Variants in DIAPH3 observed in about 807,000 individuals in gnomAD.
DIAPH3 encodes the protein diaphanous related formin 3.
DIAPH3 carries 117 observed loss-of-function variants against 144.3 expected under a neutral mutation model. That is an observed-to-expected ratio of 0.81 (90% confidence interval 0.70 to 0.95). DIAPH3 has a LOEUF of 0.95. Ranked by LOEUF, DIAPH3 falls within the 40% of genes least tolerant of loss-of-function variation. The pLI, the probability that DIAPH3 is intolerant of heterozygous loss-of-function variation, is 0.00. For missense variants in DIAPH3, 1,421 were observed against 1,412.7 expected (o/e 1.01, Z -0.09); for synonymous variants, 519 against 488.9 (o/e 1.06, Z -0.81).
intron 25 of DIAPH3, among the ~76,000 whole-genome samples, chr13:59,784,231 C>T (rs913082718): frequency 3.3e-5 from 5 of 150,462 alleles, no homozygotes; most frequent in Non-Finnish European, 4.4e-5. Flanking sequence ...TACAGGTGCA[C>T]GCCACCACAC....
chr13:59,860,269 C>T (rs2043502275), intron 22 of DIAPH3, among the ~76,000 whole-genome samples: 1 of 151,462 alleles, frequency 6.6e-6, no homozygotes, highest in Admixed American at 6.6e-5. Flanking sequence ...TGATGAATTC[C>T]AATATTAAAA....
intron 4 of DIAPH3, among the ~76,000 whole-genome samples, chr13:60,063,363 T>C (rs2056840979): frequency 2.0e-5 from 3 of 152,188 alleles, no homozygotes; most frequent in Admixed American, 1.3e-4. Flanking sequence ...CACTAAAGTG[T>C]TGAACCCCTC....
intron 16 of DIAPH3, among the ~76,000 whole-genome samples, 165 bp from the exon 17 acceptor site, chr13:59,970,223 G>T (rs2050283799): frequency 6.6e-6 from 1 of 152,168 alleles, no homozygotes; most frequent in Non-Finnish European, 1.5e-5. Context: ...AGTTCTGCAG[G>T]ATGTTAAGGT....
At chr13:59,994,517 T>C (rs2052063152) in intron 9 of DIAPH3, among the ~76,000 whole-genome samples, 1 of 151,946 alleles carries the variant, frequency 6.6e-6, no homozygotes, top group African/African-American at 2.4e-5. Flanking sequence ...ACATTTTGCC[T>C]GTCCAATGAA....
At chr13:59,800,390 T>C (rs899666845) in intron 25 of DIAPH3, among the ~76,000 whole-genome samples, 23 of 152,182 alleles carry the variant, frequency 1.5e-4, no homozygotes, top group African/African-American at 5.3e-4. Context: ...AATTATCTCA[T>C]AGGGAAGAGG....
At chr13:59,909,230 T>C (rs1169819333) in intron 20 of DIAPH3, among the ~76,000 whole-genome samples, 2 of 152,130 alleles carry the variant, frequency 1.3e-5, no homozygotes, top group Non-Finnish European at 2.9e-5. Flanking sequence ...ATAATGTTGA[T>C]AAACTGAAAA....
chr13:59,817,325 C>T (rs150035902), intron 24 of DIAPH3, among the ~76,000 whole-genome samples: 6 of 151,972 alleles, frequency 3.9e-5, no homozygotes, highest in Admixed American at 2.0e-4. Context: ...AATCTGTCAA[C>T]TTATCGATAT....
At chr13:60,043,018 A>G (rs934317667) in intron 4 of DIAPH3, among the ~76,000 whole-genome samples, 198 bp from the exon 5 acceptor site, 5 of 152,226 alleles carry the variant, frequency 3.3e-5, no homozygotes, top group Non-Finnish European at 7.3e-5. Context: ...AGATAGTAAT[A>G]TAACATCAGA....
intron 22 of DIAPH3, among the ~76,000 whole-genome samples, chr13:59,844,403 T>C (rs1321440149): frequency 6.6e-6 from 1 of 150,932 alleles, no homozygotes; most frequent in South Asian, 2.1e-4. Context: ...ACTCAGGAGG[T>C]TGAGGCAGGA....
At chr13:59,940,640 T>A (rs1356285317) in intron 17 of DIAPH3, among the ~76,000 whole-genome samples, 2 of 152,174 alleles carry the variant, frequency 1.3e-5, no homozygotes, top group African/African-American at 4.8e-5. Context: ...CAAATCCTTT[T>A]TTTCCCAATT....
chr13:60,003,042 T>C (rs550716293), intron 9 of DIAPH3, among the ~76,000 whole-genome samples: 1 of 152,014 alleles, frequency 6.6e-6, no homozygotes, highest in Non-Finnish European at 1.5e-5. Flanking sequence ...CTGGCCAACA[T>C]GAGGGACAAG....
intron 4 of DIAPH3, among the ~76,000 whole-genome samples, chr13:60,058,725 A>T (rs2056650557): frequency 6.6e-6 from 1 of 151,968 alleles, no homozygotes; most frequent in African/African-American, 2.4e-5. Flanking sequence ...ACTTGGCTAT[A>T]AAAAAAGAAC....
chr13:60,083,772 T>A (rs1205128621), intron 4 of DIAPH3, among the ~76,000 whole-genome samples: 1 of 151,980 alleles, frequency 6.6e-6, no homozygotes, highest in Non-Finnish European at 1.5e-5. Flanking sequence ...AGCACGGTGG[T>A]GCATGCCTAT....
chr13:59,858,757 T>A (rs1191453505), intron 22 of DIAPH3, among the ~76,000 whole-genome samples: 1 of 152,140 alleles, frequency 6.6e-6, no homozygotes, highest in Non-Finnish European at 1.5e-5. Flanking sequence ...AGAGAAATAT[T>A]ACAATGGTAT....
At chr13:59,817,206 T>A (rs2040825013) in intron 24 of DIAPH3, among the ~76,000 whole-genome samples, 1 of 151,948 alleles carries the variant, frequency 6.6e-6, no homozygotes, top group Non-Finnish European at 1.5e-5. Context: ...GAATTCTATA[T>A]ACACTAATCA....
At chr13:59,822,597 T>C (rs1181146947) in intron 24 of DIAPH3, among the ~76,000 whole-genome samples, 1 of 151,972 alleles carries the variant, frequency 6.6e-6, no homozygotes, top group Non-Finnish European at 1.5e-5. Flanking sequence ...TGCACCAACA[T>C]GCCTGGCTAA....
At chr13:59,887,051 CA>C (rs2045499641) in intron 20 of DIAPH3, among the ~76,000 whole-genome samples, 1 of 151,970 alleles carries the variant, frequency 6.6e-6, no homozygotes, top group Non-Finnish European at 1.5e-5. Context: ...TGTCCTTTAT[CA>C]AAATGAGGAA....
intron 17 of DIAPH3, among the ~76,000 whole-genome samples, chr13:59,961,809 A>G (rs1474180028): frequency 6.6e-6 from 1 of 152,198 alleles, no homozygotes; most frequent in Non-Finnish European, 1.5e-5. Context: ...ATCTGCCTTG[A>G]TTCTTTCACA....
intron 27 of DIAPH3, among the ~76,000 whole-genome samples, chr13:59,762,050 A>ATTTTTTTT (rs1566273881): frequency 8.4e-6 from 1 of 118,990 alleles, no homozygotes; most frequent in Non-Finnish European, 1.7e-5. Context: ...AAGCGTCAGC[A>ATTTTTTTT]TCTTTTTTTT....
Sources: gnomAD v4.1 joint callset for allele counts (sites outside exome capture counted in the v4.1 genomes callset) on GRCh38, gnomAD v4.1.1 for gene constraint, MANE v1.5 for transcripts, NCBI Gene and HGNC (gene_info 2026-07-23, HGNC 2026-07-21) for gene names.